The following ATRNL1 variants were observed in gnomAD, a reference collection of about 807,000 sequenced individuals.
The protein encoded by ATRNL1 is attractin-like protein 1.
Under a neutral mutation model 182.7 loss-of-function variants are expected in ATRNL1, and 95 were observed. The ratio of observed to expected loss-of-function variants is 0.52; its 90% CI spans 0.44 to 0.62. The LOEUF is 0.62. Among genes scored for constraint, ATRNL1 ranks in the 20% least tolerant of loss-of-function variants. The pLI is 0.00. For synonymous variants in ATRNL1, 576 were observed against 568.3 expected, an observed-to-expected ratio of 1.01 and a Z score of -0.19; for missense variants, 1,471 against 1,679.5, an observed-to-expected ratio of 0.88 and a Z score of 2.17.
intron 27 of ATRNL1, among the ~76,000 whole-genome samples, chr10:115,764,167 GT>G (rs1555074373): frequency 2.0e-5 from 3 of 152,132 alleles, no homozygotes. Context: ...TTTTAGAGCA[GT>G]TTTAGGTTCA....
At chr10:115,731,050 GCCCA>G (rs1453875880) in intron 27 of ATRNL1, among the ~76,000 whole-genome samples, 4 of 152,058 alleles carry the variant, frequency 2.6e-5, no homozygotes, top group African/African-American at 4.8e-5. Flanking sequence ...ATTGGATGGT[GCCCA>G]CCCAGAATAA....
At chr10:115,754,943 A>C (rs1948546952) in intron 27 of ATRNL1, among the ~76,000 whole-genome samples, 1 of 152,132 alleles carries the variant, frequency 6.6e-6, no homozygotes, top group Non-Finnish European at 1.5e-5. Flanking sequence ...TGTGAATGGG[A>C]GTTGACTCAT....
chr10:115,362,224 AAG>A (rs1229802950), intron 19 of ATRNL1, among the ~76,000 whole-genome samples: 1 of 152,144 alleles, frequency 6.6e-6, no homozygotes, highest in Non-Finnish European at 1.5e-5. Flanking sequence ...TTATATAAAA[AAG>A]AAACAGCTAT....
intron 6 of ATRNL1, 145 bp downstream of exon 6, chr10:115,160,359 T>C: frequency 1.5e-6 from 1 of 669,326 alleles, no homozygotes; most frequent in Non-Finnish European, 2.5e-6. Flanking sequence ...TGTGAATACA[T>C]GAACTCAGTA....
chr10:115,562,057 T>C (rs1853790321), intron 26 of ATRNL1, among the ~76,000 whole-genome samples: 1 of 152,216 alleles, frequency 6.6e-6, no homozygotes, highest in Non-Finnish European at 1.5e-5. Context: ...TAGGTCTATA[T>C]AAAACTTTTA....
chr10:115,738,125 G>GTTTTT (rs1565334914), intron 27 of ATRNL1, among the ~76,000 whole-genome samples: 22 of 53,188 alleles, frequency 4.1e-4, no homozygotes, highest in Admixed American at 9.2e-4. Flanking sequence ...AGAAGATAAT[G>GTTTTT]ATTTTTTTTT....
In ATRNL1 at chr10:115,093,806, T is replaced by A. The variant is rs1298542889; in HGVS notation, c.56T>A (p.Val19Glu). ...TGTPQPAAPGVWRARPAGGGG... is the reference protein window; with the variant it reads ...TGTPQPAAPGEWRARPAGGGG... ...ACCCCGCAGCCAGCGGCCCCGGGGGTGTGGAGGGCTCGGCCGGCGGGCGGC... is the reference window on the plus strand; with the variant it reads ...ACCCCGCAGCCAGCGGCCCCGGGGGAGTGGAGGGCTCGGCCGGCGGGCGGC... The change falls in exon 1 of 29, where the codon GTG (valine) becomes GAG (glutamate). Residue 19 changes from valine to glutamate, a missense_variant. Val to Glu is a moderately radical substitution (Grantham distance 121). Transcript: ENST00000355044. The surrounding 1 kb of genome is among the most constrained non-coding windows in gnomAD (Gnocchi z 6.1). The A allele has an allele frequency of 2.0e-6, 3 of 1,485,364 alleles. No individual in the cohort carries two copies. Among genetic ancestry groups the A allele is most frequent in the Non-Finnish European group, 2.7e-6 (3 of 1,119,594 alleles). The allele number at this position is 1,485,364 out of a possible 1,614,324, so 92.0% of individuals were successfully genotyped here.
At chr10:115,597,700 C>T (rs1555014569) in intron 26 of ATRNL1, 1 of 448,774 alleles carries the variant, frequency 2.2e-6, no homozygotes, top group East Asian at 7.2e-5. Context: ...GCGCCCACTA[C>T]CACGCTCAGC....
In ATRNL1 at chr10:115,561,705, GT is replaced by G. The variant is rs1853753435; in HGVS notation, c.3795+12170del. On this transcript the variant is annotated intron_variant, in intron 26 of 28. Transcript: ENST00000355044. Reference sequence around the variant, plus strand: ...TGTGTGTGTGGGTGTGTGTGTGTGGGTGTGTGTGTGTGTGTGTGTTTGTGTG... The same window carrying G: ...TGTGTGTGTGGGTGTGTGTGTGTGGGGTGTGTGTGTGTGTGTGTTTGTGTG... Among the ~76,000 whole-genome samples the G allele has an allele frequency of 9.4e-5, 3 of 31,902 alleles. No homozygotes were observed. The South Asian group carries it at 5.6e-3, about 59-fold the overall frequency. 20.9% of individuals were successfully genotyped at this position (31,902 alleles called of 152,430 possible).
chr10:115,911,027 C>A (rs1952660258), intron 28 of ATRNL1, among the ~76,000 whole-genome samples: 1 of 152,010 alleles, frequency 6.6e-6, no homozygotes, highest in Admixed American at 6.6e-5. Flanking sequence ...ATTTTGGAAA[C>A]AGAGTCTCAC....
At chr10:115,148,039 G>A (rs1352179113) in intron 5 of ATRNL1, among the ~76,000 whole-genome samples, 3 of 151,996 alleles carry the variant, frequency 2.0e-5, no homozygotes, top group African/African-American at 7.2e-5. Flanking sequence ...ATTGCTTTGG[G>A]TAGTATGGTC....
intron 1 of ATRNL1, among the ~76,000 whole-genome samples, chr10:115,115,686 C>T (rs369557582): frequency 6.6e-6 from 1 of 152,086 alleles, no homozygotes; most frequent in Admixed American, 6.6e-5. Context: ...CTGACTATTC[C>T]TTGTAGGCTG....
At position 115,442,303 on chromosome 10, in the gene ATRNL1, C is replaced by CTCTCTG. The variant is rs782157017; in HGVS notation, c.3322+16002_3322+16003insCTCTGT. ...TCTCTCTCTCTCTCTCTCTCTCTCT[C>CTCTCTG]TGTGTGTATGTGTGTGTGTAAACAA... is the stretch of plus-strand genomic sequence containing the variant. On this transcript the variant is annotated intron_variant, in intron 21 of 28. Transcript: ENST00000355044. Among the ~76,000 whole-genome samples, 100 of 123,770 alleles carry CTCTCTG rather than the reference C, an allele frequency of 8.1e-4. 1 individual carries two copies. Among genetic ancestry groups the CTCTCTG allele is most frequent in the South Asian group, 3.3e-3 (13 of 3,898 alleles). The allele number at this position is 123,770 out of a possible 152,430, so 81.2% of individuals were successfully genotyped here.
intron 5 of ATRNL1, among the ~76,000 whole-genome samples, chr10:115,140,867 T>C (rs538706096): frequency 3.2e-4 from 48 of 152,284 alleles, no homozygotes; most frequent in African/African-American, 1.1e-3. Flanking sequence ...TCACACTTTA[T>C]TGTAACTTAC....
At position 115,775,146 on chromosome 10, in the gene ATRNL1, A is replaced by C. The variant is rs143647230; in HGVS notation, c.3903+47791A>C. 2.6e-5 allele frequency among the ~76,000 whole-genome samples: 4 copies of C among 152,216 alleles called. No homozygotes were observed. In the East Asian group the frequency reaches 7.7e-4, roughly 29 times the overall value. The stretch of plus-strand genomic sequence containing the variant: ...GAGTAACTACATTCTGTCCAATGCA[A>C]CTCTAACTGCATACTTCTGAAATGT... On this transcript the variant is annotated intron_variant, in intron 27 of 28. Transcript: ENST00000355044.
chr10:115,659,918 A>T (rs1292948220), intron 26 of ATRNL1, among the ~76,000 whole-genome samples: 3 of 152,162 alleles, frequency 2.0e-5, no homozygotes, highest in African/African-American at 7.2e-5. Flanking sequence ...GTGTCAAGAG[A>T]TCGTTCTGGA....
chr10:115,105,847 G>A (rs1554865770), intron 1 of ATRNL1, among the ~76,000 whole-genome samples: 1 of 152,242 alleles, frequency 6.6e-6, no homozygotes, highest in East Asian at 1.9e-4. Context: ...TGTCCAGGCA[G>A]AAGTTTGCTG....
chr10:115,540,770 AAAGG>A (rs1852310078), intron 25 of ATRNL1, among the ~76,000 whole-genome samples: 1 of 107,406 alleles, frequency 9.3e-6, no homozygotes, highest in African/African-American at 3.1e-5. Flanking sequence ...AAAAAAAAAA[AAAGG>A]GGGGAGGGAA....
intron 8 of ATRNL1, among the ~76,000 whole-genome samples, chr10:115,185,349 G>A (rs114167287): frequency 0.013 from 1,986 of 152,026 alleles, 38 homozygotes; most frequent in African/African-American, 0.046. Flanking sequence ...GTAAAGATAA[G>A]CCAAGTACAT....
Sources: gnomAD v4.1 joint callset for allele counts (sites outside exome capture counted in the v4.1 genomes callset) on GRCh38, gnomAD v4.1.1 for gene constraint, Gnocchi (gnomAD v3.1) non-coding constraint, MANE v1.5 for transcripts, NCBI Gene and HGNC (gene_info 2026-07-23, HGNC 2026-07-21) for gene names.